ANKRD13C: variants seen among roughly 807,000 people sequenced by gnomAD.
ANKRD13C encodes the protein ankyrin repeat domain-containing protein 13C.
ANKRD13C carries 16 observed loss-of-function variants against 65.5 expected under a neutral mutation model. The observed-to-expected ratio is 0.24, with a 90% confidence interval of 0.17 to 0.37. The LOEUF (loss-of-function observed/expected upper bound fraction) is 0.37. ANKRD13C is among the 10% of genes least tolerant of loss of function. ANKRD13C has a pLI of 1.00. For synonymous variants in ANKRD13C, 235 were observed against 238.7 expected, an observed-to-expected ratio of 0.98 and a Z score of 0.14; for missense variants, 503 against 655.9, an observed-to-expected ratio of 0.77 and a Z score of 2.55.
intron 9 of ANKRD13C, among the ~76,000 whole-genome samples, chr1:70,278,464 T>C (rs1351157415): frequency 6.6e-6 from 1 of 151,682 alleles, no homozygotes; most frequent in Non-Finnish European, 1.5e-5. Context: ...CTGCACTCCA[T>C]GACCCAAGAT....
intron 2 of ANKRD13C, among the ~76,000 whole-genome samples, chr1:70,332,888 C>T (rs1326344016): frequency 6.6e-6 from 1 of 152,184 alleles, no homozygotes; most frequent in South Asian, 2.1e-4. Context: ...AATTAGAACC[C>T]TCAAACAGAG....
At chr1:70,285,426 C>T (rs1679578532) in intron 9 of ANKRD13C, among the ~76,000 whole-genome samples, 1 of 151,918 alleles carries the variant, frequency 6.6e-6, no homozygotes, top group African/African-American at 2.4e-5. Context: ...AATTCCTGAC[C>T]TCAAGTGATC....
chr1:70,338,414 G>A (rs1005124467), intron 1 of ANKRD13C, among the ~76,000 whole-genome samples: 1 of 152,016 alleles, frequency 6.6e-6, no homozygotes, highest in Admixed American at 6.6e-5. Flanking sequence ...TTGTGTGTGT[G>A]TGTGTGAGAC....
At chr1:70,335,390 A>G (rs1681977542) in intron 2 of ANKRD13C, among the ~76,000 whole-genome samples, 1 of 151,270 alleles carries the variant, frequency 6.6e-6, no homozygotes, top group Admixed American at 6.6e-5. Context: ...TGGGCAATAG[A>G]GCGAGACTCT....
intron 9 of ANKRD13C, among the ~76,000 whole-genome samples, chr1:70,279,499 AC>A (rs1679288588): frequency 1.6e-5 from 2 of 125,336 alleles, no homozygotes; most frequent in Non-Finnish European, 3.5e-5. Flanking sequence ...ATTTTGAGCT[AC>A]TTTTTTTTTT....
intron 1 of ANKRD13C, among the ~76,000 whole-genome samples, chr1:70,347,470 G>A (rs1572185506): frequency 6.6e-6 from 1 of 152,216 alleles, no homozygotes; most frequent in East Asian, 1.9e-4. Flanking sequence ...TAGAATTCAG[G>A]ATGCCCAGGA....
At chr1:70,295,492 G>A (rs564022017) in intron 8 of ANKRD13C, among the ~76,000 whole-genome samples, 6 of 151,830 alleles carry the variant, frequency 4.0e-5, no homozygotes, top group Admixed American at 2.0e-4. Context: ...GTGATCCGCC[G>A]GCCTCGGCCT....
intron 11 of ANKRD13C, among the ~76,000 whole-genome samples, chr1:70,273,424 C>A (rs1678983040): frequency 1.3e-5 from 2 of 152,184 alleles, no homozygotes; most frequent in African/African-American, 4.8e-5. Flanking sequence ...ACCCATCTCT[C>A]ATTCCAGCCA....
intron 1 of ANKRD13C, among the ~76,000 whole-genome samples, chr1:70,336,328 G>A (rs1682021556): frequency 6.6e-6 from 1 of 152,018 alleles, no homozygotes; most frequent in South Asian, 2.1e-4. Flanking sequence ...TCCATTTTGA[G>A]ATTTATTTTT....
chr1:70,299,956 C>T (rs1220759151), intron 7 of ANKRD13C, among the ~76,000 whole-genome samples: 1 of 151,954 alleles, frequency 6.6e-6, no homozygotes, highest in Non-Finnish European at 1.5e-5. Context: ...GGTTTTTTAA[C>T]ACAAAGATAT....
At chr1:70,339,728 G>A (rs895912017) in intron 1 of ANKRD13C, among the ~76,000 whole-genome samples, 3 of 151,560 alleles carry the variant, frequency 2.0e-5, no homozygotes, top group Non-Finnish European at 4.4e-5. Flanking sequence ...AATGATATAC[G>A]ATGACATTTG....
chr1:70,329,319 G>A (rs1432688158), intron 2 of ANKRD13C, among the ~76,000 whole-genome samples: 19 of 151,890 alleles, frequency 1.3e-4, no homozygotes, highest in Non-Finnish European at 2.8e-4. Flanking sequence ...TCACGAGTTC[G>A]AGACCAGCCT....
intron 9 of ANKRD13C, among the ~76,000 whole-genome samples, chr1:70,285,816 G>C (rs532827255): frequency 2.6e-5 from 4 of 151,756 alleles, no homozygotes; most frequent in South Asian, 4.2e-4. Flanking sequence ...GTAGAGACAG[G>C]GTTTCAGCAT....
intron 6 of ANKRD13C, among the ~76,000 whole-genome samples, chr1:70,305,416 T>C (rs902695113): frequency 6.6e-6 from 1 of 152,104 alleles, no homozygotes; most frequent in Non-Finnish European, 1.5e-5. Flanking sequence ...TATGAGATAA[T>C]CCTTCAAGTT....
intron 1 of ANKRD13C, among the ~76,000 whole-genome samples, chr1:70,349,436 TA>T (rs1164656709): frequency 6.6e-6 from 1 of 151,814 alleles, no homozygotes; most frequent in Non-Finnish European, 1.5e-5. Flanking sequence ...TTACTGTACT[TA>T]AACATACCTC....
At chr1:70,304,035 C>A (rs546927225) in intron 6 of ANKRD13C, among the ~76,000 whole-genome samples, 3 of 152,028 alleles carry the variant, frequency 2.0e-5, no homozygotes. Flanking sequence ...CCCTCATGTT[C>A]CTGTTTTAAC....
At chr1:70,330,471 T>C (rs1473530808) in intron 2 of ANKRD13C, among the ~76,000 whole-genome samples, 1 of 150,872 alleles carries the variant, frequency 6.6e-6, no homozygotes, top group Non-Finnish European at 1.5e-5. Context: ...GGCAGGAGAA[T>C]TGCTTGAACT....
At chr1:70,297,053 TA>T (rs928188485) in intron 7 of ANKRD13C, among the ~76,000 whole-genome samples, 1 of 152,058 alleles carries the variant, frequency 6.6e-6, no homozygotes, top group Non-Finnish European at 1.5e-5. Context: ...TGAGCAGGTA[TA>T]AGATGAGATT....
intron 11 of ANKRD13C, 71 bp downstream of exon 11, chr1:70,274,649 G>T: frequency 8.7e-7 from 1 of 1,154,974 alleles, no homozygotes; most frequent in Non-Finnish European, 1.3e-6. Flanking sequence ...CCACTGGGGT[G>T]CAAATATTAT....
Sources: gnomAD v4.1 joint callset for allele counts (sites outside exome capture counted in the v4.1 genomes callset) on GRCh38, gnomAD v4.1.1 for gene constraint, MANE v1.5 for transcripts, NCBI Gene and HGNC (gene_info 2026-07-23, HGNC 2026-07-21) for gene names.